The following KCNJ3 variants were observed in gnomAD, a reference collection of about 807,000 sequenced individuals.
KCNJ3 encodes the protein G protein-activated inward rectifier potassium channel 1.
KCNJ3 carries 4 observed loss-of-function variants against 39.2 expected under a neutral mutation model. That is an observed-to-expected ratio of 0.10 (90% CI 0.05 to 0.23). The LOEUF (loss-of-function observed/expected upper bound fraction) is 0.23. Among genes scored for constraint, KCNJ3 ranks in the 10% least tolerant of loss-of-function variants. KCNJ3 has a pLI of 1.00. For synonymous variants in KCNJ3, 230 were observed against 237.4 expected, an observed-to-expected ratio of 0.97 and a Z score of 0.29; for missense variants, 276 against 634.9, an observed-to-expected ratio of 0.43 and a Z score of 6.08.
intron 2 of KCNJ3, among the ~76,000 whole-genome samples, chr2:154,849,566 T>C (rs2105138148): frequency 6.6e-6 from 1 of 152,282 alleles, no homozygotes; most frequent in Admixed American, 6.5e-5. Flanking sequence ...CAGAAGTTAT[T>C]GATTGTGTGA....
intron 2 of KCNJ3, among the ~76,000 whole-genome samples, chr2:154,811,696 T>C (rs1030441215): frequency 2.6e-5 from 4 of 152,170 alleles, no homozygotes; most frequent in Non-Finnish European, 4.4e-5. Flanking sequence ...CCTAATCCCA[T>C]GAGCTCTAGC....
At chr2:154,704,021 T>C (rs1684955435) in intron 1 of KCNJ3, among the ~76,000 whole-genome samples, 1 of 152,088 alleles carries the variant, frequency 6.6e-6, no homozygotes, top group Non-Finnish European at 1.5e-5. Flanking sequence ...ATCCTTAAAA[T>C]TAGCACAGTT....
chr2:154,709,416 T>C, intron 1 of KCNJ3, 187 bp from the exon 2 acceptor site: 1 of 605,834 alleles, frequency 1.7e-6, no homozygotes, highest in Non-Finnish European at 2.9e-6. Context: ...AATGCATGTA[T>C]GTTCCGCATG....
chr2:154,794,198 G>A (rs1325129078), intron 2 of KCNJ3, among the ~76,000 whole-genome samples: 2 of 151,800 alleles, frequency 1.3e-5, no homozygotes, highest in Non-Finnish European at 2.9e-5. Flanking sequence ...AGATAAAGTT[G>A]TTTTTGCCAG....
chr2:154,705,448 G>A (rs905747637), intron 1 of KCNJ3, among the ~76,000 whole-genome samples: 2 of 152,084 alleles, frequency 1.3e-5, no homozygotes, highest in African/African-American at 2.4e-5. Context: ...TCCCTTCTAG[G>A]CACCTGTGAC....
At chr2:154,772,668 A>G (rs1317187060) in intron 2 of KCNJ3, among the ~76,000 whole-genome samples, 1 of 152,182 alleles carries the variant, frequency 6.6e-6, no homozygotes, top group Non-Finnish European at 1.5e-5. Flanking sequence ...TGTTTACAGT[A>G]TTTAATCTAG....
chr2:154,769,528 G>A (rs112731011), intron 2 of KCNJ3, among the ~76,000 whole-genome samples: 1 of 152,146 alleles, frequency 6.6e-6, no homozygotes, highest in Admixed American at 6.6e-5. Context: ...TACATCCCAC[G>A]GATGAAGCCC....
intron 2 of KCNJ3, among the ~76,000 whole-genome samples, chr2:154,808,280 C>T (rs1353934655): frequency 6.6e-6 from 1 of 151,874 alleles, no homozygotes; most frequent in African/African-American, 2.4e-5. Flanking sequence ...GGCGTTTCAC[C>T]ATGTTGGCTA....
At chr2:154,735,401 A>G (rs1440971328) in intron 2 of KCNJ3, among the ~76,000 whole-genome samples, 1 of 152,016 alleles carries the variant, frequency 6.6e-6, no homozygotes, top group Non-Finnish European at 1.5e-5. Context: ...GGCGTGAGCC[A>G]CGGAGCCCGG....
chr2:154,849,496 T>C (rs1360251575), intron 2 of KCNJ3, among the ~76,000 whole-genome samples: 2 of 152,054 alleles, frequency 1.3e-5, no homozygotes, highest in East Asian at 1.9e-4. Context: ...CTTTCTTCTC[T>C]CCCCCAATCT....
At chr2:154,834,240 G>A (rs1687411137) in intron 2 of KCNJ3, among the ~76,000 whole-genome samples, 1 of 152,038 alleles carries the variant, frequency 6.6e-6, no homozygotes, top group Admixed American at 6.6e-5. Flanking sequence ...CATTTTGATA[G>A]CCATGTAATG....
intron 2 of KCNJ3, among the ~76,000 whole-genome samples, chr2:154,839,766 C>T (rs1411844814): frequency 2.6e-5 from 4 of 152,090 alleles, no homozygotes; most frequent in Non-Finnish European, 5.9e-5. Flanking sequence ...CCTTTGCCCA[C>T]TTTTTGATGG....
At position 154,784,469 on chromosome 2, in the gene KCNJ3, C is replaced by G. The variant is rs1015807691; in HGVS notation, c.920-70258C>G. Among the ~76,000 whole-genome samples, 56 of 152,152 alleles carry G rather than the reference C, an allele frequency of 3.7e-4. 1 individual carries two copies. Among genetic ancestry groups the G allele is most frequent in the Admixed American group, 1.3e-4 (2 of 15,284 alleles). On this transcript the variant is annotated intron_variant, in intron 2 of 2. Transcript: ENST00000295101. ...TCGGCTCACTGCAACCTCTGCCTCT[C>G]GGGTCCTGGTTCAAGCAATTCTCCT...
intron 2 of KCNJ3, among the ~76,000 whole-genome samples, chr2:154,840,410 C>A (rs1182324638): frequency 2.0e-5 from 3 of 152,152 alleles, no homozygotes; most frequent in African/African-American, 7.2e-5. Context: ...TTAGGATTGA[C>A]TTGGCAATGT....
At chr2:154,777,822 C>T (rs893889165) in intron 2 of KCNJ3, among the ~76,000 whole-genome samples, 6 of 152,064 alleles carry the variant, frequency 3.9e-5, no homozygotes, top group East Asian at 1.9e-4. Context: ...AATTTAGACT[C>T]GGTTGGCAAA....
intron 2 of KCNJ3, among the ~76,000 whole-genome samples, chr2:154,834,198 C>T (rs917258374): frequency 3.1e-4 from 47 of 152,128 alleles, no homozygotes; most frequent in Non-Finnish European, 4.3e-4. Flanking sequence ...ACCTTACCAG[C>T]ATTCGGTATT....
intron 2 of KCNJ3, among the ~76,000 whole-genome samples, chr2:154,759,416 A>G (rs1274813675): frequency 2.0e-4 from 31 of 151,942 alleles, no homozygotes; most frequent in Admixed American, 2.0e-3. Context: ...ATTAAATTCA[A>G]CTTAATTTCA....
rs762414960 is a variant in KCNJ3, at chr2:154,833,541, A to ATCAT, written c.920-21184_920-21181dup. The stretch of plus-strand genomic sequence containing the variant: ...TATAATCAATGAACCACACTGACAC[A>ATCAT]TCATTATTCAGCCAAGTTCATAGTT... On this transcript the variant is annotated intron_variant, in intron 2 of 2. Transcript: ENST00000295101. Among the ~76,000 whole-genome samples, 3 of 152,250 alleles carry ATCAT rather than the reference A, an allele frequency of 2.0e-5. No individual in the cohort carries two copies. In the South Asian group the frequency reaches 6.2e-4, roughly 32 times the overall value.
intron 2 of KCNJ3, among the ~76,000 whole-genome samples, chr2:154,731,558 GC>G (rs766320809): frequency 6.6e-5 from 10 of 151,708 alleles, no homozygotes; most frequent in Admixed American, 1.3e-4. Flanking sequence ...TTGAGTTAAG[GC>G]AAATAACTTC....
Sources: allele counts gnomAD v4.1 joint callset (sites outside exome capture counted in the v4.1 genomes callset), GRCh38; gene constraint gnomAD v4.1.1; transcripts MANE v1.5; gene names NCBI Gene and HGNC (gene_info 2026-07-23, HGNC 2026-07-21).